XIRP2: variants seen among roughly 807,000 people sequenced by gnomAD.
XIRP2 encodes xin actin-binding repeat-containing protein 2.
Under a neutral mutation model 277.0 loss-of-function variants are expected in XIRP2, and 236 were observed. The ratio of observed to expected loss-of-function variants is 0.85; its 90% CI spans 0.77 to 0.95. The LOEUF (loss-of-function observed/expected upper bound fraction) is 0.95, where lower values mean the gene tolerates loss of function less well. Among genes scored for constraint, XIRP2 ranks in the 40% least tolerant of loss-of-function variants. The pLI is 0.00. For missense variants in XIRP2, 4,640 were observed against 4,157.5 expected, an observed-to-expected ratio of 1.12 and a Z score of -3.19; for synonymous variants, 1,490 against 1,416.5, an observed-to-expected ratio of 1.05 and a Z score of -1.17.
chr2:167,052,260 G>T (rs1237558572), intron 2 of XIRP2, among the ~76,000 whole-genome samples: 2 of 144,508 alleles, frequency 1.4e-5, no homozygotes, highest in African/African-American at 5.4e-5. Flanking sequence ...ATATTTAGAG[G>T]TCATTTTATA....
chr2:167,083,772 A>G (rs1689823298), intron 2 of XIRP2, among the ~76,000 whole-genome samples: 2 of 152,076 alleles, frequency 1.3e-5, no homozygotes, highest in South Asian at 4.1e-4. Context: ...AATGCTTGTG[A>G]TTTTTGTGCA....
chr2:167,042,824 A>G (rs548888050), intron 2 of XIRP2, among the ~76,000 whole-genome samples: 4 of 152,292 alleles, frequency 2.6e-5, no homozygotes, highest in East Asian at 3.9e-4. Flanking sequence ...TAACAAAGAC[A>G]TTCAGTACCT....
At chr2:166,907,612 GTT>G (rs879666201) in intron 2 of XIRP2, among the ~76,000 whole-genome samples, 4 of 141,240 alleles carry the variant, frequency 2.8e-5, no homozygotes, top group South Asian at 4.5e-4. Flanking sequence ...GGTCATAGAA[GTT>G]TTTTTTTTTT....
intron 3 of XIRP2, chr2:167,184,516 T>C: frequency 1.4e-6 from 1 of 712,410 alleles, no homozygotes; most frequent in South Asian, 1.5e-5. Context: ...TTGCCAAAGG[T>C]TCTGCTGTTT....
At chr2:167,056,376 T>C (rs1689038343) in intron 2 of XIRP2, among the ~76,000 whole-genome samples, 2 of 152,220 alleles carry the variant, frequency 1.3e-5, no homozygotes, top group African/African-American at 4.8e-5. Context: ...GCAGGTTATC[T>C]TTCTATATAT....
chr2:167,202,803 T>C (rs1288624183), intron 3 of XIRP2, among the ~76,000 whole-genome samples: 2 of 152,110 alleles, frequency 1.3e-5, no homozygotes, highest in African/African-American at 2.4e-5. Flanking sequence ...GTTCTGGAAG[T>C]CTGAAGTCCA....
At position 167,233,898 on chromosome 2, in the gene XIRP2, T is replaced by G. The variant is rs116099728; in HGVS notation, c.859-5957T>G. 2.9e-3 allele frequency among the ~76,000 whole-genome samples: 443 copies of G among 151,770 alleles called. 1 individual carries two copies. Among genetic ancestry groups the G allele is most frequent in the Middle Eastern group, 0.01 (3 of 294 alleles). On this transcript the variant is annotated intron_variant, in intron 5 of 10. Transcript: ENST00000409195. ...ATACATCTACGTAAAACTTCTGAAA[T>G]GCATTCTTTATTGTGAATTGAATGT...
chr2:167,214,162 GAAAGAGAAA>G (rs1694158428), intron 4 of XIRP2, among the ~76,000 whole-genome samples: 3 of 104,302 alleles, frequency 2.9e-5, no homozygotes, highest in Non-Finnish European at 5.6e-5. Context: ...AAGAAGGAAA[GAAAGAGAAA>G]GAAGGAAGGA....
At chr2:167,032,288 T>C (rs1000516361) in intron 2 of XIRP2, among the ~76,000 whole-genome samples, 2 of 152,060 alleles carry the variant, frequency 1.3e-5, no homozygotes, top group African/African-American at 4.8e-5. Context: ...CCTTACACCT[T>C]ACACAAAAAT....
intron 3 of XIRP2, among the ~76,000 whole-genome samples, chr2:167,168,313 T>A (rs372851126): frequency 6.6e-6 from 1 of 152,336 alleles, no homozygotes; most frequent in East Asian, 1.9e-4. Context: ...GTCATTATTA[T>A]TTCAAATATT....
intron 2 of XIRP2, among the ~76,000 whole-genome samples, chr2:166,986,827 A>C (rs2105440575): frequency 6.6e-6 from 1 of 152,370 alleles, no homozygotes; most frequent in African/African-American, 2.4e-5. Flanking sequence ...GCACAGCATA[A>C]ATATGTTGTC....
chr2:167,154,834 T>G (rs931532345), intron 3 of XIRP2, among the ~76,000 whole-genome samples: 88 of 151,828 alleles, frequency 5.8e-4, no homozygotes, highest in African/African-American at 1.8e-3. Flanking sequence ...ATCAACAAAA[T>G]TGATAGACAG....
intron 2 of XIRP2, among the ~76,000 whole-genome samples, chr2:166,945,609 A>G (rs1447181305): frequency 6.6e-6 from 1 of 151,790 alleles, no homozygotes; most frequent in Non-Finnish European, 1.5e-5. Context: ...TCAAAAGTAT[A>G]AGACTCTAGA....
intron 2 of XIRP2, among the ~76,000 whole-genome samples, chr2:166,949,447 G>T (rs992842164): frequency 3.3e-5 from 5 of 152,068 alleles, no homozygotes; most frequent in African/African-American, 4.8e-5. Flanking sequence ...ATAATTCGAG[G>T]TTGACTTCAT....
intron 4 of XIRP2, among the ~76,000 whole-genome samples, chr2:167,212,855 A>G (rs950472655): frequency 1.3e-5 from 2 of 151,906 alleles, no homozygotes; most frequent in Admixed American, 6.6e-5. Flanking sequence ...ATAATTGTTT[A>G]TTTAATCATG....
chr2:167,028,993 G>T (rs1188173177), intron 2 of XIRP2, among the ~76,000 whole-genome samples: 1 of 151,624 alleles, frequency 6.6e-6, no homozygotes, highest in Non-Finnish European at 1.5e-5. Flanking sequence ...CTTAAAGATA[G>T]GCTCTTTGAA....
chr2:167,241,976 C>A, intron 8 of XIRP2, 66 bp downstream of exon 8: 1 of 1,462,110 alleles, frequency 6.8e-7, no homozygotes, highest in Non-Finnish European at 9.0e-7. Flanking sequence ...GTAACATTTT[C>A]AAATTATTGA....
intron 9 of XIRP2, 96 bp downstream of exon 9, chr2:167,252,043 C>A: frequency 6.7e-7 from 1 of 1,482,136 alleles, no homozygotes; most frequent in Non-Finnish European, 8.9e-7. Context: ...TGCGTGGAAA[C>A]AACCAAACAA....
chr2:166,987,456 G>A lies in XIRP2; in HGVS notation c.408+83566G>A, dbSNP rs73970208. ...AAGTCTTGGATTGCCAAACTCCATT[G>A]CAAACAGTTGAGACATTTGGGGTAA... On this transcript the variant is annotated intron_variant, in intron 2 of 10. Transcript: ENST00000409195. Among the ~76,000 whole-genome samples the A allele has an allele frequency of 3.1e-3, 473 of 152,288 alleles. 3 individuals carry two copies. The highest frequency in any genetic ancestry group is 0.011 in the African/African-American group (448 of 41,556).
Sources: gnomAD v4.1 joint callset for allele counts (sites outside exome capture counted in the v4.1 genomes callset) on GRCh38, gnomAD v4.1.1 for gene constraint, MANE v1.5 for transcripts, NCBI Gene and HGNC (gene_info 2026-07-23, HGNC 2026-07-21) for gene names.